Variants in CSMD1 observed in about 807,000 individuals in gnomAD.
CSMD1 encodes CUB and sushi domain-containing protein 1.
Under a neutral mutation model 417.5 loss-of-function variants are expected in CSMD1, and 213 were observed. That is an observed-to-expected ratio of 0.51 (90% confidence interval 0.46 to 0.57). The LOEUF is 0.57. CSMD1 is among the 20% of genes least tolerant of loss of function. The probability of loss-of-function intolerance (pLI) is 0.00; values close to 1 mark genes in which losing one functional copy is unlikely to be tolerated. For missense variants in CSMD1, 6,923 were observed against 4,529.7 expected (o/e 1.53, Z -15.17); for synonymous variants, 2,862 against 1,736.8 (o/e 1.65, Z -16.11).
At chr8:4,175,945 T>A (rs566378369) in intron 3 of CSMD1, among the ~76,000 whole-genome samples, 1 of 152,130 alleles carries the variant, frequency 6.6e-6, no homozygotes, top group Non-Finnish European at 1.5e-5. Context: ...GCTGTCGACA[T>A]TGGTGGCATG....
chr8:4,502,958 T>C (rs1425624909), intron 2 of CSMD1, among the ~76,000 whole-genome samples: 6 of 152,096 alleles, frequency 3.9e-5, no homozygotes, highest in African/African-American at 1.4e-4. Flanking sequence ...CTAAATGGTA[T>C]AAGAGATTAA....
chr8:4,526,251 C>A (rs1438382030), intron 2 of CSMD1, among the ~76,000 whole-genome samples: 1 of 152,114 alleles, frequency 6.6e-6, no homozygotes, highest in Admixed American at 6.5e-5. Flanking sequence ...AAGAGATTCC[C>A]ATTATAAAGC....
chr8:3,190,234 C>G (rs1295003179), intron 33 of CSMD1, 119 bp from the exon 34 acceptor site: 1 of 698,634 alleles, frequency 1.4e-6, no homozygotes, highest in Admixed American at 2.5e-5. Context: ...AATTTAATAA[C>G]GACTCCAACA....
intron 3 of CSMD1, among the ~76,000 whole-genome samples, chr8:4,388,822 A>G (rs1375486740): frequency 6.6e-6 from 1 of 152,226 alleles, no homozygotes; most frequent in Admixed American, 6.5e-5. Flanking sequence ...AGCACTGAAT[A>G]ATCCTGCCTT....
chr8:4,206,272 G>A (rs1461113449), intron 3 of CSMD1, among the ~76,000 whole-genome samples: 1 of 151,978 alleles, frequency 6.6e-6, no homozygotes, highest in Non-Finnish European at 1.5e-5. Flanking sequence ...GTATACATGT[G>A]CCATGTTGGT....
intron 5 of CSMD1, among the ~76,000 whole-genome samples, chr8:3,954,049 A>T (rs1329037951): frequency 2.6e-5 from 4 of 151,978 alleles, no homozygotes; most frequent in Admixed American, 2.6e-4. Context: ...CATGCTTGGG[A>T]GCTCCTGTCC....
At chr8:3,946,433 C>A (rs1687776239) in intron 5 of CSMD1, among the ~76,000 whole-genome samples, 3 of 152,270 alleles carry the variant, frequency 2.0e-5, no homozygotes, top group African/African-American at 7.2e-5. Flanking sequence ...GCTACTTTAG[C>A]TCAATATTGA....
chr8:3,643,417 T>G (rs1163764401), intron 7 of CSMD1, among the ~76,000 whole-genome samples: 1 of 152,092 alleles, frequency 6.6e-6, no homozygotes, highest in Admixed American at 6.5e-5. Context: ...AAATGCCTCC[T>G]CTGGGCCGGA....
chr8:4,299,706 C>G (rs566333831), intron 3 of CSMD1, among the ~76,000 whole-genome samples: 2 of 152,288 alleles, frequency 1.3e-5, no homozygotes, highest in South Asian at 4.1e-4. Flanking sequence ...TCTTGGCTCA[C>G]TGCAACCCCT....
chr8:4,449,667 G>C (rs1799015605), intron 2 of CSMD1, among the ~76,000 whole-genome samples: 1 of 152,140 alleles, frequency 6.6e-6, no homozygotes, highest in Non-Finnish European at 1.5e-5. Flanking sequence ...TAATCAGCCT[G>C]AGAGGAATGG....
At chr8:3,941,347 T>G (rs773467407) in intron 5 of CSMD1, among the ~76,000 whole-genome samples, 8 of 152,146 alleles carry the variant, frequency 5.3e-5, no homozygotes, top group Non-Finnish European at 1.0e-4. Context: ...TCTTCTACAT[T>G]GTATAATGAA....
intron 23 of CSMD1, among the ~76,000 whole-genome samples, chr8:3,319,349 T>C (rs899423098): frequency 5.3e-5 from 8 of 152,178 alleles, no homozygotes; most frequent in African/African-American, 1.9e-4. Context: ...AATGAAAATA[T>C]TTGCAATACA....
rs562396861 is a variant in CSMD1, at chr8:4,740,117, A to G, written c.86-102559T>C. Among the ~76,000 whole-genome samples the G allele has an allele frequency of 6.6e-5, 10 of 152,108 alleles. No individual in the cohort carries two copies. In the South Asian group the frequency reaches 2.1e-3, roughly 32 times the overall value. ...CTGTCTCTACTGCCATTTTATCTGT[A>G]TCTCCATCATAATTCCCTCCCTGCA... On this transcript the variant is annotated intron_variant, in intron 1 of 69. Transcript: ENST00000635120.
rs563966154 is a variant in CSMD1 at position 4,141,383 on chromosome 8, G to C, written c.416-109284C>G. Among the ~76,000 whole-genome samples, 33 of 151,218 alleles carry C rather than the reference G, an allele frequency of 2.2e-4. 4 individuals are homozygous for C. The highest frequency in any genetic ancestry group is 8.1e-4 in the African/African-American group (33 of 40,554). On this transcript the variant is annotated intron_variant, in intron 3 of 69. Transcript: ENST00000635120. Reference sequence around the variant, plus strand: ...AGCTTGTATGCTCCAAGAATACCAAGAAGCTAAAGAAAGATTTGGCTAAAC... The same window carrying C: ...AGCTTGTATGCTCCAAGAATACCAACAAGCTAAAGAAAGATTTGGCTAAAC...
chr8:3,659,898 T>C (rs187336236), intron 7 of CSMD1, among the ~76,000 whole-genome samples: 28 of 152,300 alleles, frequency 1.8e-4, no homozygotes, highest in Admixed American at 1.7e-3. Context: ...ACTATGAAGA[T>C]GAAATTTCCA....
chr8:3,754,676 A>T lies in CSMD1; in HGVS notation c.819-634T>A, dbSNP rs1165539811. On this transcript the variant is annotated intron_variant, in intron 5 of 69. Coordinates refer to ENST00000635120, the MANE Select transcript of CSMD1 (RefSeq NM_033225.6). ...TGCCGTGTTGGCCAGGCTGGTCTCG[A>T]ACTTGTGACCTCAGGTGATCTGCCT... Among the ~76,000 whole-genome samples the T allele has an allele frequency of 2.6e-5, 4 of 152,206 alleles. No individual in the cohort carries two copies. The East Asian group carries it at 5.8e-4, about 22-fold the overall frequency.
At chr8:4,450,340 T>C (rs969026195) in intron 2 of CSMD1, among the ~76,000 whole-genome samples, 1 of 152,090 alleles carries the variant, frequency 6.6e-6, no homozygotes, top group Non-Finnish European at 1.5e-5. Context: ...TTTAAAGATA[T>C]TTAGTAGCCG....
chr8:3,893,447 A>G (rs1807136004), intron 5 of CSMD1, among the ~76,000 whole-genome samples: 2 of 150,026 alleles, frequency 1.3e-5, no homozygotes, highest in African/African-American at 4.9e-5. Flanking sequence ...CAATGAGGAC[A>G]GTATGATAGC....
chr8:4,294,852 C>G (rs1265693974), intron 3 of CSMD1, among the ~76,000 whole-genome samples: 1 of 151,736 alleles, frequency 6.6e-6, no homozygotes, highest in Non-Finnish European at 1.5e-5. Flanking sequence ...TAAAATAATT[C>G]CAGAAAACTT....
Sources: gnomAD v4.1 joint callset for allele counts (sites outside exome capture counted in the v4.1 genomes callset) on GRCh38, gnomAD v4.1.1 for gene constraint, MANE v1.5 for transcripts, NCBI Gene and HGNC (gene_info 2026-07-23, HGNC 2026-07-21) for gene names.